The following QRICH1 variants were observed in gnomAD, a reference collection of about 807,000 sequenced individuals.
QRICH1 encodes glutamine rich 1.
In QRICH1, 16 loss-of-function variants were observed where a neutral mutation model predicts 87.1. The ratio of observed to expected loss-of-function variants is 0.18; its 90% CI spans 0.12 to 0.28. QRICH1 has a LOEUF of 0.28. QRICH1 is among the 10% of genes least tolerant of loss of function. QRICH1 has a pLI of 1.00. For missense variants in QRICH1, 647 were observed against 951.7 expected, an observed-to-expected ratio of 0.68 and a Z score of 4.21; for synonymous variants, 367 against 368.4, an observed-to-expected ratio of 1.00 and a Z score of 0.05.
chr3:49,061,045 G>C (rs1021550331), intron 2 of QRICH1, among the ~76,000 whole-genome samples: 1 of 146,530 alleles, frequency 6.8e-6, no homozygotes, highest in African/African-American at 2.5e-5. Context: ...GGCTGAGGCA[G>C]AATAGCTTGA....
At chr3:49,038,092 C>T (rs1321574926) in intron 6 of QRICH1, among the ~76,000 whole-genome samples, 1 of 150,982 alleles carries the variant, frequency 6.6e-6, no homozygotes, top group East Asian at 1.9e-4. Flanking sequence ...AACAGAGTCT[C>T]GGTCTGTTGC....
At chr3:49,034,027 C>T (rs574770056) in intron 6 of QRICH1, among the ~76,000 whole-genome samples, 9 of 151,424 alleles carry the variant, frequency 5.9e-5, no homozygotes, top group South Asian at 2.1e-4. Flanking sequence ...ACAAAAAAAA[C>T]GGCTATTGTC....
At chr3:49,088,028 T>A (rs368329957) in intron 1 of QRICH1, among the ~76,000 whole-genome samples, 1 of 151,178 alleles carries the variant, frequency 6.6e-6, no homozygotes, top group African/African-American at 2.4e-5. Flanking sequence ...CTCGGCTCAC[T>A]GCAAGCTCTG....
At chr3:49,042,095 CG>C (rs1171265898) in intron 6 of QRICH1, among the ~76,000 whole-genome samples, 1 of 37,066 alleles carries the variant, frequency 2.7e-5, no homozygotes, top group Admixed American at 2.2e-4. Flanking sequence ...TTTTTTTGGG[CG>C]GGGGGGCGGG....
chr3:49,048,508 GCC>G lies in QRICH1; in HGVS notation c.1339-1264_1339-1263del, dbSNP rs2093351735. 2.7e-5 allele frequency among the ~76,000 whole-genome samples: 4 copies of G among 150,428 alleles called. No homozygotes were observed. The East Asian group carries it at 7.9e-4, about 30-fold the overall frequency. On this transcript the variant is annotated intron_variant, in intron 3 of 9. Coordinates refer to ENST00000395443, the MANE Select transcript of QRICH1 (RefSeq NM_198880.3). ...AAAAAAAAAAAAAAAACCCACCCTG[GCC>G]GGGTGCAGTGGCTCACACCTGTAGT...
chr3:49,057,231 C>T lies in QRICH1; in HGVS notation c.969G>A (p.Gln323=). Residue 323 remains glutamine, a synonymous_variant, in exon 3 of 10, where the codon CAG becomes CAA. Coordinates refer to ENST00000395443, the MANE Select transcript of QRICH1 (RefSeq NM_198880.3). The surrounding 1 kb of genome is among the most constrained non-coding windows in gnomAD (Gnocchi z 5.4). ...TGGCAATGTGGGTAATGCTCTGCTG[C>T]TGAGGGTCCCCCCGGGGCTGGGCAG... ...VYSAQPRGDP[Q]QQSITHIAIP... The T allele has an allele frequency of 6.2e-7, 1 of 1,614,192 alleles. No individual in the cohort carries two copies. The highest frequency in any genetic ancestry group is 8.5e-7 in the Non-Finnish European group (1 of 1,180,036).
chr3:49,057,149 C>A lies in QRICH1; in HGVS notation c.1051G>T (p.Ala351Ser). 9 of 1,614,238 alleles carry A rather than the reference C, an allele frequency of 5.6e-6. No homozygotes were observed. The highest frequency in any genetic ancestry group is 6.8e-6 in the Non-Finnish European group (8 of 1,180,046). ...HVSGSPTALA[A>S]VKLEDDKEKM... ...TCCTTGTCATCCTCCAGCTTAACAGCTGCCAGGGCTGTGGGTGAGCCACTG... is the reference window on the plus strand; with the variant it reads ...TCCTTGTCATCCTCCAGCTTAACAGATGCCAGGGCTGTGGGTGAGCCACTG... Residue 351 changes from alanine (A) to serine (S), a missense_variant, in exon 3 of 10, where the codon GCT (alanine) becomes TCT (serine). This residue lies in a region of QRICH1 where 115 missense variants were observed against 126.8 expected (regional missense o/e 0.91). Transcript: ENST00000395443. This position sits in a 1 kb window ranked among gnomAD's most constrained non-coding sequence, Gnocchi z 5.4.
In QRICH1 at chr3:49,057,214, T is replaced by C; in HGVS notation, c.986A>G (p.His329Arg). 6.2e-7 allele frequency: 1 copy of C among 1,614,134 alleles called. No individual in the cohort carries two copies. ...GTAGGCTTCCTGGGGAATGGCAATG[T>C]GGGTAATGCTCTGCTGCTGAGGGTC... ...RGDPQQQSIT[H>R]IAIPQEAYNA... Residue 329 changes from histidine to arginine, a missense_variant, in exon 3 of 10, where the codon CAC (histidine) becomes CGC (arginine). This residue lies in a region of QRICH1 where 75 missense variants were observed against 141.0 expected (regional missense o/e 0.53). Transcript: ENST00000395443. This position sits in a 1 kb window ranked among gnomAD's most constrained non-coding sequence, Gnocchi z 5.4.
At chr3:49,074,796 G>C (rs1420116826) in intron 2 of QRICH1, among the ~76,000 whole-genome samples, 1 of 151,448 alleles carries the variant, frequency 6.6e-6, no homozygotes, top group African/African-American at 2.4e-5. Flanking sequence ...GGCTAACATG[G>C]TGAAACCCCG....
At chr3:49,074,024 C>T (rs1345145095) in intron 2 of QRICH1, among the ~76,000 whole-genome samples, 8 of 152,096 alleles carry the variant, frequency 5.3e-5, no homozygotes, top group Non-Finnish European at 1.0e-4. Context: ...CTCAATGATC[C>T]GTCCACCTTG....
At chr3:49,078,607 G>A (rs1412381307) in intron 1 of QRICH1, among the ~76,000 whole-genome samples, 1 of 149,616 alleles carries the variant, frequency 6.7e-6, no homozygotes, top group East Asian at 2.0e-4. Flanking sequence ...ATCTTAGCCA[G>A]GATGGTCTCG....
chr3:49,050,963 C>T (rs1230037212), intron 3 of QRICH1, among the ~76,000 whole-genome samples: 18 of 152,268 alleles, frequency 1.2e-4, no homozygotes, highest in Admixed American at 1.2e-3. Context: ...ACCCATCTTT[C>T]CCCCACTGTT....
chr3:49,076,524 T>TA (rs55985504), intron 2 of QRICH1, among the ~76,000 whole-genome samples, 185 bp downstream of exon 2: 22 of 144,484 alleles, frequency 1.5e-4, no homozygotes, highest in African/African-American at 3.1e-4. Flanking sequence ...GGGGTTTGTT[T>TA]AAAAAAAAAA....
At chr3:49,084,574 G>A (rs565680357) in intron 1 of QRICH1, among the ~76,000 whole-genome samples, 246 of 151,904 alleles carry the variant, frequency 1.6e-3, no homozygotes, top group Admixed American at 4.0e-3. Context: ...GACCAGCCTG[G>A]CCAACATGGT....
intron 1 of QRICH1, among the ~76,000 whole-genome samples, chr3:49,086,287 C>G (rs1471884065): frequency 6.7e-6 from 1 of 148,776 alleles, no homozygotes; most frequent in African/African-American, 2.5e-5. Context: ...GATGGAGTCT[C>G]ACTCTGTCGC....
chr3:49,087,895 T>G (rs1321538186), intron 1 of QRICH1, among the ~76,000 whole-genome samples: 1 of 148,880 alleles, frequency 6.7e-6, no homozygotes, highest in Non-Finnish European at 1.5e-5. Context: ...AAGACAGACA[T>G]GACTCCTTAA....
rs564675144 is a variant in QRICH1 at position 49,043,089 on chromosome 3, C to T, written c.1786+1301G>A. ...TTATAACAAATGTACCATACTAACGCAACATGTTATTGATAGGAGAAACTG... is the reference window on the plus strand; with the variant it reads ...TTATAACAAATGTACCATACTAACGTAACATGTTATTGATAGGAGAAACTG... On this transcript the variant is annotated intron_variant, in intron 6 of 9. Coordinates refer to ENST00000395443, the MANE Select transcript of QRICH1 (RefSeq NM_198880.3). 3.3e-5 allele frequency among the ~76,000 whole-genome samples: 5 copies of T among 152,212 alleles called. No individual in the cohort carries two copies. The South Asian group carries it at 1.0e-3, about 32-fold the overall frequency.
chr3:49,064,234 A>ATTTTT (rs1029737044), intron 2 of QRICH1, among the ~76,000 whole-genome samples: 1 of 92,318 alleles, frequency 1.1e-5, no homozygotes, highest in Admixed American at 1.2e-4. Context: ...GCTGGCCCTA[A>ATTTTT]TTTTTTTTTT....
intron 1 of QRICH1, among the ~76,000 whole-genome samples, chr3:49,077,246 A>G (rs750102972): frequency 2.6e-5 from 4 of 152,134 alleles, no homozygotes; most frequent in Non-Finnish European, 4.4e-5. Context: ...AAACTATCAC[A>G]CTGAAAACAA....
Sources: gnomAD v4.1 joint callset for allele counts (sites outside exome capture counted in the v4.1 genomes callset) on GRCh38, gnomAD v4.1.1 for gene constraint, gnomAD v4.1.1 regional missense constraint, Gnocchi (gnomAD v3.1) non-coding constraint, MANE v1.5 for transcripts, NCBI Gene and HGNC (gene_info 2026-07-23, HGNC 2026-07-21) for gene names.